The following PIP4K2A variants were observed in gnomAD, a reference collection of about 807,000 sequenced individuals.
PIP4K2A encodes phosphatidylinositol 5-phosphate 4-kinase type-2 alpha.
A neutral mutation model predicts 42.9 loss-of-function variants in PIP4K2A; 14 were observed. The ratio of observed to expected loss-of-function variants is 0.33; its 90% confidence interval spans 0.22 to 0.51. PIP4K2A has a LOEUF of 0.51. Ranked by LOEUF, PIP4K2A falls within the 20% of genes least tolerant of loss-of-function variation. The pLI is 0.97. For synonymous variants in PIP4K2A, 192 were observed against 192.2 expected (o/e 1.00, Z 0.01); for missense variants, 434 against 519.8 (o/e 0.83, Z 1.61).
At chr10:22,710,829 A>G (rs1833899831) in intron 1 of PIP4K2A, among the ~76,000 whole-genome samples, 1 of 152,238 alleles carries the variant, frequency 6.6e-6, no homozygotes, top group African/African-American at 2.4e-5. Context: ...AGATTTTTCT[A>G]TACAGATAAT....
At position 22,536,730 on chromosome 10, in the gene PIP4K2A, A is replaced by AAAAAC. The variant is rs1822660483; in HGVS notation, c.*470_*471insGTTTT. 1 of 148,690 alleles carries AAAAAC rather than the reference A, an allele frequency of 6.7e-6. No individual in the cohort carries two copies. Among genetic ancestry groups the AAAAAC allele is most frequent in the Non-Finnish European group, 1.5e-5 (1 of 66,902 alleles). 9.2% of individuals were successfully genotyped at this position (148,690 alleles called of 1,614,324 possible). On this transcript the variant is annotated 3_prime_UTR_variant, in exon 10 of 10. Coordinates refer to ENST00000376573, the MANE Select transcript of PIP4K2A (RefSeq NM_005028.5). The stretch of plus-strand genomic sequence containing the variant: ...TTTCAACTCCAAAAAAAAAAAAAAA[A>AAAAAC]AAAAAAAACTGATCCACAGTTTGTT...
At chr10:22,550,355 C>T (rs1836373657) in intron 7 of PIP4K2A, among the ~76,000 whole-genome samples, 1 of 152,210 alleles carries the variant, frequency 6.6e-6, no homozygotes, top group Non-Finnish European at 1.5e-5. Flanking sequence ...CTGGTGTGGG[C>T]AGGTCAGTCT....
At chr10:22,659,246 T>G (rs1379657475) in intron 1 of PIP4K2A, among the ~76,000 whole-genome samples, 1 of 152,204 alleles carries the variant, frequency 6.6e-6, no homozygotes, top group Non-Finnish European at 1.5e-5. Context: ...AATATACTCA[T>G]AACACGTCTT....
chr10:22,653,123 C>G (rs927338607), intron 1 of PIP4K2A, among the ~76,000 whole-genome samples: 2 of 152,064 alleles, frequency 1.3e-5, no homozygotes, highest in Non-Finnish European at 2.9e-5. Context: ...AAGGACCACC[C>G]CCGGGGGTAT....
In PIP4K2A at chr10:22,667,865, CTGTGTGTGTGTG is replaced by C. The variant is rs10603287; in HGVS notation, c.144+46306_144+46317del. On this transcript the variant is annotated intron_variant, in intron 1 of 9. Transcript: ENST00000376573. Reference sequence around the variant, plus strand: ...AAATCCTGAAGTTTTCAGTGAACTTCTGTGTGTGTGTGTGTGTGTGTGTGTGTGTGTGTGTGT... The same window carrying C: ...AAATCCTGAAGTTTTCAGTGAACTTCTGTGTGTGTGTGTGTGTGTGTGTGT... 9.8e-3 allele frequency among the ~76,000 whole-genome samples: 1,305 copies of C among 132,634 alleles called. 12 individuals are homozygous for C. Among genetic ancestry groups the C allele is most frequent in the African/African-American group, 0.032 (1,129 of 35,170 alleles). 87.0% of individuals were successfully genotyped at this position (132,634 alleles called of 152,430 possible).
intron 1 of PIP4K2A, among the ~76,000 whole-genome samples, chr10:22,630,079 G>C (rs1047880716): frequency 6.6e-6 from 1 of 151,490 alleles, no homozygotes; most frequent in Non-Finnish European, 1.5e-5. Context: ...GCTCATGCTT[G>C]TAATCCCAGC....
chr10:22,556,728 T>C (rs1349536654), intron 6 of PIP4K2A, among the ~76,000 whole-genome samples: 2 of 152,186 alleles, frequency 1.3e-5, no homozygotes, highest in African/African-American at 4.8e-5. Flanking sequence ...AACTCACTCC[T>C]AGGGAGCAGT....
chr10:22,657,385 A>T (rs908393004), intron 1 of PIP4K2A, among the ~76,000 whole-genome samples: 1 of 152,244 alleles, frequency 6.6e-6, no homozygotes, highest in African/African-American at 2.4e-5. Context: ...CCTTATCAAA[A>T]GGTATTCCAT....
At chr10:22,649,986 T>C (rs1272356740) in intron 1 of PIP4K2A, among the ~76,000 whole-genome samples, 5 of 152,230 alleles carry the variant, frequency 3.3e-5, no homozygotes, top group Admixed American at 2.6e-4. Context: ...CATGGTTCTA[T>C]CTGCCTTCCT....
intron 1 of PIP4K2A, among the ~76,000 whole-genome samples, chr10:22,683,240 G>A (rs560427825): frequency 6.6e-6 from 1 of 152,096 alleles, no homozygotes; most frequent in Non-Finnish European, 1.5e-5. Flanking sequence ...CAACTCTTAT[G>A]AGTTCTGCTC....
At chr10:22,652,598 G>A (rs1411925624) in intron 1 of PIP4K2A, among the ~76,000 whole-genome samples, 2 of 152,110 alleles carry the variant, frequency 1.3e-5, no homozygotes, top group Non-Finnish European at 2.9e-5. Context: ...TTATTTCACA[G>A]GCTGAAGGTA....
chr10:22,611,764 G>T lies in PIP4K2A; in HGVS notation c.145-2047C>A, dbSNP rs555362585. On this transcript the variant is annotated intron_variant, in intron 1 of 9. Transcript: ENST00000376573. Reference sequence around the variant, plus strand: ...GAATATCAAAGTTTGAAAAATAACAGAAAAAGAAAATCATAATGGAAATCC... The same window carrying T: ...GAATATCAAAGTTTGAAAAATAACATAAAAAGAAAATCATAATGGAAATCC... 2.6e-5 allele frequency among the ~76,000 whole-genome samples: 4 copies of T among 152,296 alleles called. No homozygotes were observed. The South Asian group carries it at 6.2e-4, about 24-fold the overall frequency.
chr10:22,538,090 C>G lies in PIP4K2A; in HGVS notation c.1141-809G>C, dbSNP rs117128690. Among the ~76,000 whole-genome samples, 3 of 152,214 alleles carry G rather than the reference C, an allele frequency of 2.0e-5. No individual in the cohort carries two copies. The East Asian group carries it at 5.8e-4, about 29-fold the overall frequency. On this transcript the variant is annotated intron_variant, in intron 9 of 9. Transcript: ENST00000376573. Reference sequence around the variant, plus strand: ...TTTCCTGAGCTGCAAAGGGCAAGCACGGAGTTTTGCTAAGTGAGCATGTGC... The same window carrying G: ...TTTCCTGAGCTGCAAAGGGCAAGCAGGGAGTTTTGCTAAGTGAGCATGTGC...
At chr10:22,657,223 G>A (rs1043343455) in intron 1 of PIP4K2A, among the ~76,000 whole-genome samples, 1 of 152,174 alleles carries the variant, frequency 6.6e-6, no homozygotes, top group Non-Finnish European at 1.5e-5. Context: ...ACAGCTGGTG[G>A]AGATAACTCT....
chr10:22,668,900 C>T (rs185843885), intron 1 of PIP4K2A, among the ~76,000 whole-genome samples: 4 of 152,214 alleles, frequency 2.6e-5, no homozygotes, highest in East Asian at 1.9e-4. Context: ...TAACAGTAAA[C>T]TTTGGGGATG....
At chr10:22,697,296 T>G (rs1839991705) in intron 1 of PIP4K2A, among the ~76,000 whole-genome samples, 1 of 152,194 alleles carries the variant, frequency 6.6e-6, no homozygotes, top group African/African-American at 2.4e-5. Flanking sequence ...TTCGGAATGT[T>G]TGTGAGGTCA....
chr10:22,696,131 A>G (rs1839967262), intron 1 of PIP4K2A, among the ~76,000 whole-genome samples: 1 of 152,258 alleles, frequency 6.6e-6, no homozygotes, highest in South Asian at 2.1e-4. Flanking sequence ...AGTATCAGCC[A>G]TGTGTCTGGA....
At chr10:22,620,416 G>A (rs540527123) in intron 1 of PIP4K2A, among the ~76,000 whole-genome samples, 2 of 152,340 alleles carry the variant, frequency 1.3e-5, no homozygotes, top group African/African-American at 4.8e-5. Flanking sequence ...AGGGAGTCAG[G>A]AGACCTATGA....
At chr10:22,660,376 CAGG>C (rs2130831192) in intron 1 of PIP4K2A, among the ~76,000 whole-genome samples, 1 of 152,204 alleles carries the variant, frequency 6.6e-6, no homozygotes, top group African/African-American at 2.4e-5. Context: ...GAGGCTGAGG[CAGG>C]AGAACTGCTT....
Sources: gnomAD v4.1 joint callset for allele counts (sites outside exome capture counted in the v4.1 genomes callset) on GRCh38, gnomAD v4.1.1 for gene constraint, MANE v1.5 for transcripts, NCBI Gene and HGNC (gene_info 2026-07-23, HGNC 2026-07-21) for gene names.